The following C10orf105 variants were observed in gnomAD, a reference collection of about 807,000 sequenced individuals.
The protein encoded by C10orf105 is uncharacterized protein C10orf105.
Under a neutral mutation model 0.6 loss-of-function variants are expected in C10orf105, and 2 were observed. That is an observed-to-expected ratio of 3.18 (90% CI 1.30 to 10.01). C10orf105 has a LOEUF of 10.01. Ranked by LOEUF, C10orf105 falls within the 30% of genes most tolerant of loss-of-function variation. The pLI, the probability that C10orf105 is intolerant of heterozygous loss-of-function variation, is 0.04. For synonymous variants in C10orf105, 95 were observed against 82.4 expected, an observed-to-expected ratio of 1.15 and a Z score of -0.83; for missense variants, 209 against 191.4, an observed-to-expected ratio of 1.09 and a Z score of -0.54.
intron 1 of C10orf105, among the ~76,000 whole-genome samples, chr10:71,726,407 G>A (rs1049056063): frequency 1.3e-5 from 2 of 152,090 alleles, no homozygotes; most frequent in Admixed American, 6.5e-5. Context: ...GGGTACTCAC[G>A]ATCACAAACA....
upstream of C10orf105, among the ~76,000 whole-genome samples, chr10:71,723,265 G>A (rs1207689695): frequency 6.6e-6 from 1 of 152,164 alleles, no homozygotes; most frequent in Admixed American, 6.5e-5. Context: ...GTTTTGGGTG[G>A]GCAGTGGGTA....
rs74147043 is a variant in C10orf105, at chr10:71,728,155, C to A, written c.-6+9573G>T. On this transcript the variant is annotated intron_variant, in intron 1 of 1. Transcript: ENST00000398786. The stretch of plus-strand genomic sequence containing the variant: ...AGAGGAGTGGTTAGTTTCTGTTTAC[C>A]GAAAAAGAGTTCCTGAAATTCATCC... Among the ~76,000 whole-genome samples the A allele has an allele frequency of 7.2e-3, 1,097 of 152,120 alleles. 13 individuals carry two copies. Among genetic ancestry groups the A allele is most frequent in the African/African-American group, 0.025 (1,034 of 41,492 alleles).
Position 71,715,021 on chromosome 10 carries a change from AGTGTGG to A in C10orf105, c.*909_*914del, listed in dbSNP as rs1866146173. The A allele has an allele frequency of 6.6e-6, 1 of 152,266 alleles. No individual in the cohort carries two copies. The highest frequency in any genetic ancestry group is 2.4e-5 in the African/African-American group (1 of 41,458). 9.4% of individuals were successfully genotyped at this position (152,266 alleles called of 1,614,324 possible). A position where few individuals can be genotyped will look rare whatever the true frequency, so the allele number is the denominator to read the frequency against. Reference sequence around the variant, plus strand: ...CACCAAAACCACAGATAGCATCCCTAGTGTGGGCAGGACTTGGGACCCCACAGCTGT... The same window carrying A: ...CACCAAAACCACAGATAGCATCCCTAGCAGGACTTGGGACCCCACAGCTGT... On this transcript the variant is annotated 3_prime_UTR_variant, in exon 2 of 2. Transcript: ENST00000441508.
rs370094327 is a variant in C10orf105, at chr10:71,732,165, C to T, written c.-6+5563G>A. ...CGCCCTTCAACCAGGGCTTCTGCAG[C>T]GTCTACATCACTCTGCTCAACGAGC... On this transcript the variant is annotated intron_variant, in intron 1 of 1. Transcript: ENST00000398786. 51 of 1,614,000 alleles carry T rather than the reference C, an allele frequency of 3.2e-5. No homozygotes were observed. Among genetic ancestry groups the T allele is most frequent in the Admixed American group, 1.0e-4 (6 of 60,024 alleles).
At chr10:71,716,923 G>T (rs1866279268) in intron 1 of C10orf105, 1 of 152,240 alleles carries the variant, frequency 6.6e-6, no homozygotes, top group African/African-American at 2.4e-5. Context: ...TTTCACCACT[G>T]GCATTGGCCC....
rs2166631 is a variant in C10orf105 at position 71,713,125 on chromosome 10, C to T, written c.*2811G>A. On this transcript the variant is annotated 3_prime_UTR_variant, in exon 2 of 2. Transcript: ENST00000441508. ...TTTCAGAGTAGCGGGGAGAAAGAGA[C>T]GTCACAATTTCCCGGAAAGGAGTTG... The T allele has an allele frequency of 0.3, 233,246 of 775,898 alleles. 40,966 individuals carry two copies. Among genetic ancestry groups the T allele is most frequent in the African/African-American group, 0.58 (34,161 of 59,088 alleles). 48.1% of individuals were successfully genotyped at this position (775,898 alleles called of 1,614,324 possible).
rs1866145787 is a variant in C10orf105 at position 71,715,011 on chromosome 10, T to C, written c.*925A>G. ...GCAAAGCACTCACCAAAACCACAGATAGCATCCCTAGTGTGGGCAGGACTT... is the reference window on the plus strand; with the variant it reads ...GCAAAGCACTCACCAAAACCACAGACAGCATCCCTAGTGTGGGCAGGACTT... On this transcript the variant is annotated 3_prime_UTR_variant, in exon 2 of 2. Transcript: ENST00000441508. 1 of 152,260 alleles carries C rather than the reference T, an allele frequency of 6.6e-6. No homozygotes were observed. Among genetic ancestry groups the C allele is most frequent in the African/African-American group, 2.4e-5 (1 of 41,446 alleles). 9.4% of individuals were successfully genotyped at this position (152,260 alleles called of 1,614,324 possible).
chr10:71,721,249 C>T (rs1866542367), upstream of C10orf105, among the ~76,000 whole-genome samples: 2 of 152,198 alleles, frequency 1.3e-5, no homozygotes, highest in Non-Finnish European at 2.9e-5. Context: ...TGTTACATCC[C>T]TCCACCTGCC....
intron 1 of C10orf105, chr10:71,734,188 G>A (rs529688229): frequency 6.2e-6 from 9 of 1,460,688 alleles, no homozygotes; most frequent in African/African-American, 2.8e-5. Context: ...GAATGACCAG[G>A]GTTAACAAGG....
chr10:71,723,908 C>G, upstream of C10orf105: 1 of 943,678 alleles, frequency 1.1e-6, no homozygotes, highest in Non-Finnish European at 1.7e-6. Context: ...TCTCCCACAC[C>G]CCCAGCCTCT....
At position 71,712,940 on chromosome 10, in the gene C10orf105, C is replaced by A; in HGVS notation, c.*2996G>T. On this transcript the variant is annotated 3_prime_UTR_variant, in exon 2 of 2. Transcript: ENST00000441508. ...GTGGGGGCCCAGGGTGGGTCCGCTG[C>A]TCTGGAAGGTGCTGTGGGGAAAGGG... is the stretch of plus-strand genomic sequence containing the variant. 2 of 1,117,760 alleles carry A rather than the reference C, an allele frequency of 1.8e-6. No individual in the cohort carries two copies. Among genetic ancestry groups the A allele is most frequent in the Non-Finnish European group, 1.3e-6 (1 of 757,930 alleles). The allele number at this position is 1,117,760 out of a possible 1,614,324, so 69.2% of individuals were successfully genotyped here. A position where few individuals can be genotyped will look rare whatever the true frequency, so the allele number is the denominator to read the frequency against.
Position 71,713,337 on chromosome 10 carries a change from C to T in C10orf105, c.*2599G>A, listed in dbSNP as rs1350889122. ...ACCCTGAAAACAATTTGGGTGTGCA[C>T]CCACACCTCTGCCCAGAGGCCTCAG... is the stretch of plus-strand genomic sequence containing the variant. On this transcript the variant is annotated 3_prime_UTR_variant, in exon 2 of 2. Transcript: ENST00000441508. 5.2e-6 allele frequency: 4 copies of T among 774,782 alleles called. No homozygotes were observed. The highest frequency in any genetic ancestry group is 5.1e-5 in the African/African-American group (3 of 58,964). 48.0% of individuals were successfully genotyped at this position (774,782 alleles called of 1,614,324 possible). A position where few individuals can be genotyped will look rare whatever the true frequency, so the allele number is the denominator to read the frequency against.
chr10:71,725,247 A>G, intron 1 of C10orf105: 1 of 1,508,858 alleles, frequency 6.6e-7, no homozygotes, highest in Non-Finnish European at 9.2e-7. Flanking sequence ...TCTGTGTCCC[A>G]GAAGACCCGC....
chr10:71,730,240 C>G (rs1214661460), intron 1 of C10orf105, among the ~76,000 whole-genome samples: 1 of 152,226 alleles, frequency 6.6e-6, no homozygotes, highest in African/African-American at 2.4e-5. Context: ...AAGCCAAGAG[C>G]AAGATGAAGT....
chr10:71,734,277 A>T (rs1209272370), intron 1 of C10orf105: 1 of 1,612,496 alleles, frequency 6.2e-7, no homozygotes, highest in South Asian at 1.1e-5. Context: ...GACCGTGAGA[A>T]GGGCGACTTC....
At chr10:71,725,508 G>T in intron 1 of C10orf105, 1 of 1,613,366 alleles carries the variant, frequency 6.2e-7, no homozygotes, top group Non-Finnish European at 8.5e-7. Flanking sequence ...GCCCCATGCG[G>T]AGCTCCGTCA....
At chr10:71,720,185 C>T (rs1280590850), upstream of C10orf105, among the ~76,000 whole-genome samples, 1 of 152,188 alleles carries the variant, frequency 6.6e-6, no homozygotes, top group Admixed American at 6.5e-5. Flanking sequence ...CCCTGGCAGC[C>T]CCTGAGGCCC....
chr10:71,732,791 C>G, intron 1 of C10orf105: 1 of 878,850 alleles, frequency 1.1e-6, no homozygotes, highest in Non-Finnish European at 1.4e-6. Context: ...CTCTGGTCAT[C>G]GAAGTGTGTG....
At chr10:71,722,051 C>A (rs979999797), upstream of C10orf105, among the ~76,000 whole-genome samples, 10 of 152,350 alleles carry the variant, frequency 6.6e-5, no homozygotes, top group Admixed American at 6.5e-5. Context: ...CTAGCAGGAA[C>A]CCATCCCCAT....
Sources: gnomAD v4.1 joint callset for allele counts (sites outside exome capture counted in the v4.1 genomes callset) on GRCh38, gnomAD v4.1.1 for gene constraint, MANE v1.5 for transcripts, NCBI Gene and HGNC (gene_info 2026-07-23, HGNC 2026-07-21) for gene names.